Variants in FOXN2 observed in about 807,000 individuals in gnomAD.
The protein encoded by FOXN2 is forkhead box protein N2.
A neutral mutation model predicts 41.2 loss-of-function variants in FOXN2; 19 were observed. The ratio of observed to expected loss-of-function variants is 0.46; its 90% CI spans 0.32 to 0.68. The LOEUF (loss-of-function observed/expected upper bound fraction) is 0.68, where lower values mean the gene tolerates loss of function less well. FOXN2 is among the 30% of genes least tolerant of loss of function. The probability of loss-of-function intolerance (pLI) is 0.03; values close to 1 mark genes in which losing one functional copy is unlikely to be tolerated. For synonymous variants in FOXN2, 195 were observed against 176.8 expected (o/e 1.10, Z -0.82); for missense variants, 587 against 509.4 (o/e 1.15, Z -1.47).
At chr2:48,340,205 C>T (rs1478001843) in intron 2 of FOXN2, among the ~76,000 whole-genome samples, 1 of 152,044 alleles carries the variant, frequency 6.6e-6, no homozygotes, top group Non-Finnish European at 1.5e-5. Context: ...TTATTTTGGG[C>T]AAAAATGGCT....
chr2:48,317,485 A>G (rs1317437804), intron 1 of FOXN2, among the ~76,000 whole-genome samples: 2 of 151,686 alleles, frequency 1.3e-5, no homozygotes, highest in Non-Finnish European at 2.9e-5. Flanking sequence ...GGTTGAGAAC[A>G]AAGATTTGAT....
intron 1 of FOXN2, among the ~76,000 whole-genome samples, chr2:48,317,606 T>TTTTC (rs1349155392): frequency 9.6e-5 from 10 of 104,570 alleles, no homozygotes; most frequent in African/African-American, 4.3e-4. Flanking sequence ...TTTTTTTTTT[T>TTTTC]TTTTTTTTTT....
Position 48,315,429 on chromosome 2 carries a change from C to G in FOXN2, c.-157+615C>G, listed in dbSNP as rs191062833. Among the ~76,000 whole-genome samples, 458 of 152,246 alleles carry G rather than the reference C, an allele frequency of 3.0e-3. 2 individuals carry two copies. The highest frequency in any genetic ancestry group is 0.01 in the African/African-American group (422 of 41,544). On this transcript the variant is annotated intron_variant, in intron 1 of 6. Transcript: ENST00000340553. ...TGTGTGGGAGCGACCCCGGCACCCT[C>G]TCGCCCCTCCACCGCCTCGAGGGGG...
At chr2:48,364,335 T>C (rs573478472) in intron 5 of FOXN2, among the ~76,000 whole-genome samples, 23 of 152,216 alleles carry the variant, frequency 1.5e-4, no homozygotes, top group Non-Finnish European at 5.9e-5. Flanking sequence ...TTAAGCCATC[T>C]TCCCACCTTA....
chr2:48,342,440 C>G (rs1388366588), intron 2 of FOXN2, among the ~76,000 whole-genome samples: 1 of 152,094 alleles, frequency 6.6e-6, no homozygotes. Flanking sequence ...ACAAAAGTGA[C>G]ACATTTGGAA....
chr2:48,370,023 AAAG>A (rs1672785124), intron 5 of FOXN2, among the ~76,000 whole-genome samples: 1 of 152,008 alleles, frequency 6.6e-6, no homozygotes, highest in Non-Finnish European at 1.5e-5. Context: ...AGAAAAAAAA[AAAG>A]AAAAATTAGT....
At chr2:48,368,025 T>C (rs1312506863) in intron 5 of FOXN2, among the ~76,000 whole-genome samples, 2 of 152,080 alleles carry the variant, frequency 1.3e-5, no homozygotes, top group African/African-American at 4.8e-5. Flanking sequence ...GTATTTTTAG[T>C]AGAGACGGGT....
chr2:48,353,204 G>C (rs745933294), intron 3 of FOXN2, among the ~76,000 whole-genome samples: 1 of 152,050 alleles, frequency 6.6e-6, no homozygotes, highest in Non-Finnish European at 1.5e-5. Context: ...CCCCAGTTTG[G>C]CTTCTGCCTG....
intron 4 of FOXN2, among the ~76,000 whole-genome samples, chr2:48,361,333 G>A (rs1026872091): frequency 2.0e-5 from 3 of 152,054 alleles, no homozygotes; most frequent in African/African-American, 7.2e-5. Context: ...GGGTGTGGTG[G>A]CACGCGCCTG....
In FOXN2 at chr2:48,362,694, G is replaced by T; in HGVS notation, c.690G>T (p.Val230=). The T allele has an allele frequency of 1.2e-6, 2 of 1,613,790 alleles. No individual in the cohort carries two copies. Residue 230 remains valine (V), a synonymous_variant, in exon 5 of 7, where the codon GTG becomes GTT. Transcript: ENST00000340553. ...YLSSVIKQNQ[V]RNLKESDIDA... ...GCTCTGTAATCAAGCAGAACCAGGT[G>T]CGAAACCTCAAAGGTATGTGTGAAT... is the stretch of plus-strand genomic sequence containing the variant.
intron 1 of FOXN2, among the ~76,000 whole-genome samples, chr2:48,317,814 G>T (rs998980556): frequency 6.6e-6 from 1 of 151,446 alleles, no homozygotes; most frequent in Non-Finnish European, 1.5e-5. Flanking sequence ...TACCATGTTG[G>T]CCAGGCTGCT....
At chr2:48,331,714 A>T (rs1670029494) in intron 2 of FOXN2, among the ~76,000 whole-genome samples, 1 of 151,576 alleles carries the variant, frequency 6.6e-6, no homozygotes. Context: ...CTACTCAGGG[A>T]GCTGAGGTAG....
At chr2:48,357,802 T>C (rs116125556) in intron 3 of FOXN2, among the ~76,000 whole-genome samples, 2,327 of 147,924 alleles carry the variant, frequency 0.016, 50 homozygotes, top group African/African-American at 0.053. Flanking sequence ...ACTGAACATA[T>C]AGCTAAGTTA....
chr2:48,357,441 C>T (rs1671872300), intron 3 of FOXN2, among the ~76,000 whole-genome samples: 1 of 151,482 alleles, frequency 6.6e-6, no homozygotes, highest in African/African-American at 2.4e-5. Context: ...CGTATCTTTT[C>T]TATATGAAAC....
At chr2:48,360,886 C>T (rs1391935943) in intron 4 of FOXN2, among the ~76,000 whole-genome samples, 5 of 149,772 alleles carry the variant, frequency 3.3e-5, no homozygotes, top group East Asian at 3.9e-4. Flanking sequence ...GGGTAGTGCA[C>T]GCCTGTGGTC....
intron 2 of FOXN2, among the ~76,000 whole-genome samples, chr2:48,336,533 G>T (rs1187785428): frequency 1.3e-5 from 2 of 151,260 alleles, no homozygotes; most frequent in Non-Finnish European, 2.9e-5. Context: ...TTTATAAGGT[G>T]ACATTTCAGT....
rs928167563 is a variant in FOXN2 at position 48,378,213 on chromosome 2, A to G, written c.*2770A>G. The G allele has an allele frequency of 2.0e-5, 3 of 152,222 alleles. No homozygotes were observed. The highest frequency in any genetic ancestry group is 7.3e-5 in the African/African-American group (3 of 41,360). 9.4% of individuals were successfully genotyped at this position (152,222 alleles called of 1,614,324 possible). A position where few individuals can be genotyped will look rare whatever the true frequency, so the allele number is the denominator to read the frequency against. ...GTTTTTTTGTGCAATATATTACTAA[A>G]TCAGTTATTATTTTACTTTTCCAAA... On this transcript the variant is annotated 3_prime_UTR_variant, in exon 7 of 7. Transcript: ENST00000340553.
chr2:48,313,833 A>G (rs1298987777), upstream of FOXN2, among the ~76,000 whole-genome samples: 1 of 152,226 alleles, frequency 6.6e-6, no homozygotes, highest in Admixed American at 6.5e-5. Context: ...AACAGGAAGT[A>G]TAACCCAAAC....
chr2:48,344,947 AAATT>A (rs1385521878), intron 2 of FOXN2, among the ~76,000 whole-genome samples: 1 of 151,710 alleles, frequency 6.6e-6, no homozygotes, highest in Non-Finnish European at 1.5e-5. Flanking sequence ...GAGCCATTGA[AAATT>A]AATTAAATAG....
Sources: gnomAD v4.1 joint callset for allele counts (sites outside exome capture counted in the v4.1 genomes callset) on GRCh38, gnomAD v4.1.1 for gene constraint, MANE v1.5 for transcripts, NCBI Gene and HGNC (gene_info 2026-07-23, HGNC 2026-07-21) for gene names.